FBXL17: variants seen among roughly 807,000 people sequenced by gnomAD.
The protein encoded by FBXL17 is F-box and leucine rich repeat protein 17.
Under a neutral mutation model 66.2 loss-of-function variants are expected in FBXL17, and 22 were observed. The ratio of observed to expected loss-of-function variants is 0.33; its 90% CI spans 0.24 to 0.47. The LOEUF is 0.47. Ranked by LOEUF, FBXL17 falls within the 20% of genes least tolerant of loss-of-function variation. The pLI is 1.00. For synonymous variants in FBXL17, 474 were observed against 400.5 expected (o/e 1.18, Z -2.19); for missense variants, 878 against 948.2 (o/e 0.93, Z 0.97).
chr5:108,254,919 T>G (rs1028511176), intron 4 of FBXL17, among the ~76,000 whole-genome samples: 25 of 152,342 alleles, frequency 1.6e-4, no homozygotes, highest in African/African-American at 6.0e-4. Context: ...TACTGTAATA[T>G]GACACTATGC....
chr5:108,357,732 T>A (rs77856663), intron 3 of FBXL17, among the ~76,000 whole-genome samples: 21 of 151,978 alleles, frequency 1.4e-4, no homozygotes, highest in Admixed American at 7.9e-4. Flanking sequence ...GTTTTTTTTT[T>A]AAATTATACT....
rs550374645 is a variant in FBXL17 at position 108,209,183 on chromosome 5, C to G, written c.1614+14938G>C. On this transcript the variant is annotated intron_variant, in intron 5 of 8. Coordinates refer to ENST00000542267, the MANE Select transcript of FBXL17 (RefSeq NM_001163315.3). ...TTTTGTATCCTGAGACTTTGCTGAA[C>G]TTGCTTATCAGCTTAAGGAGATTTT... Among the ~76,000 whole-genome samples, 638 of 152,146 alleles carry G rather than the reference C, an allele frequency of 4.2e-3. 9 individuals are homozygous for G. The highest frequency in any genetic ancestry group is 0.015 in the African/African-American group (622 of 41,536).
intron 7 of FBXL17, among the ~76,000 whole-genome samples, chr5:107,929,215 T>C (rs1750644229): frequency 6.6e-6 from 1 of 152,094 alleles, no homozygotes; most frequent in African/African-American, 2.4e-5. Context: ...AAATGCCTTG[T>C]CCTTTTATTT....
intron 7 of FBXL17, among the ~76,000 whole-genome samples, chr5:108,012,457 T>A (rs1290931645): frequency 6.6e-6 from 1 of 152,064 alleles, no homozygotes; most frequent in Non-Finnish European, 1.5e-5. Flanking sequence ...TCTCATGGGG[T>A]AGCGCTTTAT....
At chr5:108,096,996 A>G (rs1386466357) in intron 6 of FBXL17, among the ~76,000 whole-genome samples, 1 of 152,148 alleles carries the variant, frequency 6.6e-6, no homozygotes, top group African/African-American at 2.4e-5. Flanking sequence ...ACATATATTA[A>G]TATGGTTTGG....
rs915313072 is a variant in FBXL17 at position 107,959,448 on chromosome 5, A to C, written c.1822+61477T>G. On this transcript the variant is annotated intron_variant, in intron 7 of 8. Coordinates refer to ENST00000542267, the MANE Select transcript of FBXL17 (RefSeq NM_001163315.3). ...ACACTTTATTATTGAAACATGTTTT[A>C]TTTCTGTACATATGTTGTGTTGTGC... 3.3e-5 allele frequency among the ~76,000 whole-genome samples: 5 copies of C among 150,558 alleles called. No homozygotes were observed. The East Asian group carries it at 9.8e-4, about 29-fold the overall frequency.
chr5:108,169,765 T>A (rs1752539028), intron 6 of FBXL17, among the ~76,000 whole-genome samples: 1 of 152,198 alleles, frequency 6.6e-6, no homozygotes, highest in Non-Finnish European at 1.5e-5. Flanking sequence ...TTATTTTGAC[T>A]TATTCTATCT....
chr5:108,255,626 C>G (rs554197001), intron 4 of FBXL17, among the ~76,000 whole-genome samples: 1 of 152,116 alleles, frequency 6.6e-6, no homozygotes, highest in African/African-American at 2.4e-5. Context: ...AAAAACTGAC[C>G]AGATCCATGA....
intron 6 of FBXL17, among the ~76,000 whole-genome samples, chr5:108,118,211 CT>C (rs1750339907): frequency 6.6e-6 from 1 of 152,146 alleles, no homozygotes; most frequent in African/African-American, 2.4e-5. Flanking sequence ...TCCTGGATGA[CT>C]CCAAAATCCT....
chr5:108,154,607 AT>A (rs201019137), intron 6 of FBXL17, among the ~76,000 whole-genome samples: 1,023 of 64,784 alleles, frequency 0.016, 53 homozygotes, highest in African/African-American at 0.052. Context: ...AAAAAAAAAA[AT>A]ATATATATAC....
chr5:108,162,579 C>A (rs1378069554), intron 6 of FBXL17, among the ~76,000 whole-genome samples: 1 of 152,164 alleles, frequency 6.6e-6, no homozygotes, highest in Non-Finnish European at 1.5e-5. Flanking sequence ...TCTTGAACTG[C>A]ACTAGCAACT....
chr5:108,196,570 T>A (rs1189103651), intron 5 of FBXL17, among the ~76,000 whole-genome samples: 1 of 152,210 alleles, frequency 6.6e-6, no homozygotes, highest in African/African-American at 2.4e-5. Context: ...CTTAACACAG[T>A]ACTAGGTGCA....
At chr5:108,184,783 T>G (rs1481362003) in intron 6 of FBXL17, among the ~76,000 whole-genome samples, 1 of 151,232 alleles carries the variant, frequency 6.6e-6, no homozygotes, top group Non-Finnish European at 1.5e-5. Flanking sequence ...GAAAATATCT[T>G]AAATTTAAAG....
chr5:108,298,006 C>A (rs1487191145), intron 4 of FBXL17: 1 of 984,354 alleles, frequency 1.0e-6, no homozygotes, highest in Non-Finnish European at 1.2e-6. Flanking sequence ...ATGTAAGCTA[C>A]AGTCACCAAA....
chr5:108,071,158 T>C (rs1314221549), intron 6 of FBXL17, among the ~76,000 whole-genome samples: 1 of 152,228 alleles, frequency 6.6e-6, no homozygotes, highest in Non-Finnish European at 1.5e-5. Flanking sequence ...ATTGCAGCGA[T>C]GAACTCAGTT....
intron 7 of FBXL17, among the ~76,000 whole-genome samples, chr5:107,997,026 G>C (rs544034144): frequency 1.3e-5 from 2 of 152,272 alleles, no homozygotes; most frequent in African/African-American, 4.8e-5. Context: ...TTAATATCAG[G>C]GCTGAGACTG....
At chr5:108,168,545 G>A (rs1426275960) in intron 6 of FBXL17, among the ~76,000 whole-genome samples, 1 of 152,124 alleles carries the variant, frequency 6.6e-6, no homozygotes, top group Non-Finnish European at 1.5e-5. Context: ...AATGGCCTAA[G>A]GATTAACTGT....
At chr5:107,930,021 C>T (rs962221037) in intron 7 of FBXL17, among the ~76,000 whole-genome samples, 4 of 152,176 alleles carry the variant, frequency 2.6e-5, no homozygotes, top group African/African-American at 9.6e-5. Context: ...GCCACTGTCA[C>T]CCTTCCTCAG....
intron 7 of FBXL17, among the ~76,000 whole-genome samples, chr5:107,955,618 C>A (rs1202704921): frequency 6.6e-6 from 1 of 152,156 alleles, no homozygotes; most frequent in African/African-American, 2.4e-5. Flanking sequence ...TAAGTGTCAC[C>A]AACAGCCCTT....
Sources: allele counts gnomAD v4.1 joint callset (sites outside exome capture counted in the v4.1 genomes callset), GRCh38; gene constraint gnomAD v4.1.1; transcripts MANE v1.5; gene names NCBI Gene and HGNC (gene_info 2026-07-23, HGNC 2026-07-21).